The following MYO1C variants were observed in gnomAD, a reference collection of about 807,000 sequenced individuals.
MYO1C encodes myosin IC, also known as unconventional myosin-Ic.
Under a neutral mutation model 150.8 loss-of-function variants are expected in MYO1C, and 104 were observed. The observed-to-expected ratio is 0.69, with a 90% CI of 0.59 to 0.81. The LOEUF (loss-of-function observed/expected upper bound fraction) is 0.81, where lower values mean the gene tolerates loss of function less well. Ranked by LOEUF, MYO1C falls within the 30% of genes least tolerant of loss-of-function variation. MYO1C has a pLI of 0.00. For synonymous variants in MYO1C, 663 were observed against 579.9 expected, an observed-to-expected ratio of 1.14 and a Z score of -2.06; for missense variants, 1,504 against 1,435.0, an observed-to-expected ratio of 1.05 and a Z score of -0.78.
intron 1 of MYO1C, among the ~76,000 whole-genome samples, chr17:1,488,150 G>GTCCGCTCCGC (rs201698493): frequency 1.6e-4 from 24 of 152,268 alleles, no homozygotes; most frequent in African/African-American, 5.3e-4. Context: ...CGGCCGCAGT[G>GTCCGCTCCGC]TCCGCCCCGC....
At chr17:1,475,150 G>A in intron 14 of MYO1C, 118 bp from the exon 15 acceptor site, 5 of 981,106 alleles carry the variant, frequency 5.1e-6, no homozygotes, top group Non-Finnish European at 6.3e-6. Flanking sequence ...GCCGGGCACA[G>A]TGGCTCACGG....
chr17:1,489,601 G>T (rs2074706606), intron 1 of MYO1C, among the ~76,000 whole-genome samples: 1 of 152,286 alleles, frequency 6.6e-6, no homozygotes, highest in African/African-American at 2.4e-5. Flanking sequence ...GATTGCTTGA[G>T]CCCAAGAGGT....
chr17:1,488,346 G>A (rs2074691927), intron 1 of MYO1C, among the ~76,000 whole-genome samples: 1 of 152,212 alleles, frequency 6.6e-6, no homozygotes, highest in South Asian at 2.1e-4. Context: ...CTCCAGCACT[G>A]GCAACCCCCG....
In MYO1C at chr17:1,478,876, G is replaced by T; in HGVS notation, c.1093-141C>A. On this transcript the variant is annotated intron_variant, in intron 9 of 31. Transcript: ENST00000648651. This position sits in a 1 kb window ranked among gnomAD's most constrained non-coding sequence, Gnocchi z 6.3. ...AGCCTGCAGTATGGGGAGGGGTGCT[G>T]GTAGTGGGACCTCAGGGAGGACAGG... 7.3e-7 allele frequency: 1 copy of T among 1,378,476 alleles called. No individual in the cohort carries two copies. The highest frequency in any genetic ancestry group is 1.2e-5 in the South Asian group (1 of 80,514). The allele number at this position is 1,378,476 out of a possible 1,614,324, so 85.4% of individuals were successfully genotyped here. A position where few individuals can be genotyped will look rare whatever the true frequency, so the allele number is the denominator to read the frequency against.
In MYO1C at chr17:1,478,390, G is replaced by T. The variant is rs201626133; in HGVS notation, c.1295+20C>A. The T allele has an allele frequency of 1.2e-6, 2 of 1,613,642 alleles. No individual in the cohort carries two copies. Among genetic ancestry groups the T allele is most frequent in the Non-Finnish European group, 1.7e-6 (2 of 1,179,666 alleles). On this transcript the variant is annotated intron_variant, in intron 11 of 31. Transcript: ENST00000648651. The surrounding 1 kb of genome is among the most constrained non-coding windows in gnomAD (Gnocchi z 6.3). Reference sequence around the variant, plus strand: ...AGGACAGGAGACCGGGAGGAGAGACGGGGGAAAGATGGCACCGACCTGTTA... The same window carrying T: ...AGGACAGGAGACCGGGAGGAGAGACTGGGGAAAGATGGCACCGACCTGTTA...
At chr17:1,469,360 T>A in intron 25 of MYO1C, 171 bp downstream of exon 25, 1 of 591,636 alleles carries the variant, frequency 1.7e-6, no homozygotes, top group South Asian at 1.7e-5. Context: ...TACGGTAGAC[T>A]GGGGTAAATA....
intron 13 of MYO1C, 135 bp from the exon 14 acceptor site, chr17:1,477,731 C>G (rs1301935367): frequency 1.0e-6 from 1 of 994,376 alleles, no homozygotes; most frequent in Non-Finnish European, 1.6e-6. Flanking sequence ...GAGCTTCCAA[C>G]TGGGGCGGCA....
At chr17:1,477,702 C>G in intron 13 of MYO1C, 106 bp from the exon 14 acceptor site, 2 of 1,032,134 alleles carry the variant, frequency 1.9e-6, no homozygotes, top group East Asian at 2.4e-5. Context: ...AGGGGCAGAT[C>G]ACAGGGAGTC....
intron 7 of MYO1C, 56 bp downstream of exon 7, chr17:1,480,471 A>G (rs957937287): frequency 2.9e-5 from 42 of 1,445,318 alleles, no homozygotes; most frequent in Admixed American, 1.0e-4. Context: ...ACAAAAAAAA[A>G]AGGAGATTTT....
Position 1,474,929 on chromosome 17 carries a change from G to A in MYO1C, c.1669+9C>T. On this transcript the variant is annotated intron_variant, in intron 15 of 31. Transcript: ENST00000648651. ...GGCCCCTGTGGGGACACAGCCCCAG[G>A]ATCCTCACCGGTCACGCTGTAGGTC... 3 of 1,606,108 alleles carry A rather than the reference G, an allele frequency of 1.9e-6. No individual in the cohort carries two copies. Among genetic ancestry groups the A allele is most frequent in the Non-Finnish European group, 2.6e-6 (3 of 1,175,958 alleles).
Position 1,474,668 on chromosome 17 carries a change from G to T in MYO1C, c.1739C>A (p.Pro580His). 1 of 1,613,992 alleles carries T rather than the reference G, an allele frequency of 6.2e-7. No homozygotes were observed. Among genetic ancestry groups the T allele is most frequent in the Non-Finnish European group, 8.5e-7 (1 of 1,179,942 alleles). Reference protein sequence around the residue: ...LKETMCSSKNPIMSQCFDRSE... With the variant: ...LKETMCSSKNHIMSQCFDRSE... The stretch of plus-strand genomic sequence containing the variant: ...CCGGTCAAAGCACTGGCTCATAATG[G>T]GATTCTTTGAGCTACACATGGTCTG... Residue 580 changes from proline to histidine, a missense_variant, in exon 17 of 32, where the codon CCC (proline) becomes CAC (histidine). By Grantham distance (77) the Pro-to-His change is moderately conservative. Coordinates refer to ENST00000648651, the MANE Select transcript of MYO1C (RefSeq NM_001080779.2).
At chr17:1,477,165 T>C in intron 14 of MYO1C, 1 of 268,072 alleles carries the variant, frequency 3.7e-6, no homozygotes, top group South Asian at 5.4e-5. Flanking sequence ...AAAAATTCAT[T>C]ATTTATTTTT....
In MYO1C at chr17:1,478,851, A is replaced by G; in HGVS notation, c.1093-116T>C. 1.3e-6 allele frequency: 2 copies of G among 1,514,564 alleles called. No homozygotes were observed. Among genetic ancestry groups the G allele is most frequent in the African/African-American group, 1.4e-5 (1 of 73,150 alleles). 93.8% of individuals were successfully genotyped at this position (1,514,564 alleles called of 1,614,324 possible). A position where few individuals can be genotyped will look rare whatever the true frequency, so the allele number is the denominator to read the frequency against. On this transcript the variant is annotated intron_variant, in intron 9 of 31. Transcript: ENST00000648651. The surrounding 1 kb of genome is among the most constrained non-coding windows in gnomAD (Gnocchi z 6.3). ...CCACTCTGCACTCCCAGCTCCAGCAAGCCTGCAGTATGGGGAGGGGTGCTG... is the reference window on the plus strand; with the variant it reads ...CCACTCTGCACTCCCAGCTCCAGCAGGCCTGCAGTATGGGGAGGGGTGCTG...
chr17:1,484,420 C>G (rs555314580), intron 1 of MYO1C, 117 bp from the exon 2 acceptor site: 212 of 1,282,920 alleles, frequency 1.7e-4, no homozygotes, highest in Middle Eastern at 2.5e-4. Context: ...GGGCTAGACA[C>G]GGGACATGAG....
intron 17 of MYO1C, among the ~76,000 whole-genome samples, chr17:1,472,734 G>A (rs920343947): frequency 6.6e-6 from 1 of 152,124 alleles, no homozygotes; most frequent in African/African-American, 2.4e-5. Context: ...AATTCATCCA[G>A]TCTGAGGGTT....
chr17:1,492,173 A>G, intron 1 of MYO1C: 1 of 561,674 alleles, frequency 1.8e-6, no homozygotes. Context: ...CTGCCCACTG[A>G]GGTTCGGGAA....
intron 1 of MYO1C, among the ~76,000 whole-genome samples, chr17:1,489,229 ATTG>A (rs562841107): frequency 7.9e-5 from 12 of 152,304 alleles, no homozygotes; most frequent in East Asian, 1.9e-4. Context: ...ACCTCAGGGA[ATTG>A]TTGTGAAGGG....
At chr17:1,483,171 G>A in intron 3 of MYO1C, 112 bp from the exon 4 acceptor site, 1 of 1,084,420 alleles carries the variant, frequency 9.2e-7, no homozygotes, top group Non-Finnish European at 1.3e-6. Flanking sequence ...ATACACCCTT[G>A]AGGATGGGGA....
rs112733841 is a variant in MYO1C, at chr17:1,484,147, C to G, written c.231+1G>C. ...CTGCCATCTCCCCACAAGGGCCTCA[C>G]GTAGATGAGATTCTCCCGAAATCGC... is the stretch of plus-strand genomic sequence containing the variant. On this transcript the variant is annotated splice_donor_variant, in intron 2 of 31. Coordinates refer to ENST00000648651, the MANE Select transcript of MYO1C (RefSeq NM_001080779.2). LOFTEE classifies it high-confidence loss of function. The G allele has an allele frequency of 6.2e-7, 1 of 1,612,856 alleles. No homozygotes were observed. The highest frequency in any genetic ancestry group is 1.7e-5 in the Admixed American group (1 of 60,024).
Sources: gnomAD v4.1 joint callset for allele counts (sites outside exome capture counted in the v4.1 genomes callset) on GRCh38, gnomAD v4.1.1 for gene constraint, Gnocchi (gnomAD v3.1) non-coding constraint, MANE v1.5 for transcripts, NCBI Gene and HGNC (gene_info 2026-07-23, HGNC 2026-07-21) for gene names.